The following EML6 variants were observed in gnomAD, a reference collection of about 807,000 sequenced individuals.
EML6 encodes the protein echinoderm microtubule-associated protein-like 6.
Under a neutral mutation model 240.1 loss-of-function variants are expected in EML6, and 154 were observed. The ratio of observed to expected loss-of-function variants is 0.64; its 90% confidence interval spans 0.56 to 0.73. The LOEUF is 0.73. Among genes scored for constraint, EML6 ranks in the 30% least tolerant of loss-of-function variants. The pLI, the probability that EML6 is intolerant of heterozygous loss-of-function variation, is 0.00. For missense variants in EML6, 2,964 were observed against 2,474.6 expected, an observed-to-expected ratio of 1.20 and a Z score of -4.20; for synonymous variants, 1,148 against 899.0, an observed-to-expected ratio of 1.28 and a Z score of -4.95.
intron 7 of EML6, among the ~76,000 whole-genome samples, chr2:54,843,228 A>G (rs1029425002): frequency 3.3e-5 from 5 of 152,188 alleles, no homozygotes; most frequent in Admixed American, 1.3e-4. Flanking sequence ...ACTGTTTAAG[A>G]CCAGCCTGGG....
chr2:54,815,049 C>G (rs1001465130), intron 3 of EML6, among the ~76,000 whole-genome samples: 3 of 152,216 alleles, frequency 2.0e-5, no homozygotes, highest in Non-Finnish European at 4.4e-5. Context: ...TGCACCTTCT[C>G]TAATCGGATT....
chr2:54,840,474 G>A (rs1669385519), intron 7 of EML6, among the ~76,000 whole-genome samples: 2 of 152,166 alleles, frequency 1.3e-5, no homozygotes, highest in African/African-American at 4.8e-5. Context: ...GCTTACATAT[G>A]TCTGGCCCCT....
At position 54,863,839 on chromosome 2, in the gene EML6, G is replaced by A. The variant is rs768568521; in HGVS notation, c.1882G>A (p.Glu628Lys). Residue 628 changes from glutamate (E) to lysine (K), a missense_variant, in exon 13 of 42, where the codon GAA becomes AAA. Glu to Lys is a moderately conservative substitution (Grantham distance 56). Transcript: ENST00000356458. The part of the protein sequence containing the change: ...ESDSDLSDVP[E>K]LDSDIEQEAQ... Reference sequence around the variant, plus strand: ...TGATTCAGATTTATCTGATGTGCCCGAACTGGACTCTGATATTGAGCAAGA... The same window carrying A: ...TGATTCAGATTTATCTGATGTGCCCAAACTGGACTCTGATATTGAGCAAGA... 9 of 1,548,842 alleles carry A rather than the reference G, an allele frequency of 5.8e-6. No individual in the cohort carries two copies. The highest frequency in any genetic ancestry group is 2.7e-5 in the African/African-American group (2 of 72,910).
intron 21 of EML6, among the ~76,000 whole-genome samples, chr2:54,897,393 A>G: frequency 6.6e-6 from 1 of 152,240 alleles, no homozygotes; most frequent in Non-Finnish European, 1.5e-5. Flanking sequence ...TGTGTCAGGC[A>G]ATACCGTTGT....
chr2:54,731,692 C>T (rs1683174793), intron 2 of EML6, among the ~76,000 whole-genome samples: 1 of 152,060 alleles, frequency 6.6e-6, no homozygotes, highest in Non-Finnish European at 1.5e-5. Flanking sequence ...TGCTTGAAAA[C>T]ATTGCGCTGA....
At chr2:54,752,325 A>G (rs1386012216) in intron 2 of EML6, among the ~76,000 whole-genome samples, 1 of 152,230 alleles carries the variant, frequency 6.6e-6, no homozygotes, top group East Asian at 1.9e-4. Flanking sequence ...TATAACACAT[A>G]TATAAAAAAG....
chr2:54,857,528 A>G (rs1200155175), intron 11 of EML6, among the ~76,000 whole-genome samples: 1 of 152,220 alleles, frequency 6.6e-6, no homozygotes, highest in East Asian at 1.9e-4. Flanking sequence ...CTTTTGTTCT[A>G]CTGAAGGTCC....
chr2:54,950,252 A>G (rs916879192), intron 29 of EML6, among the ~76,000 whole-genome samples: 6 of 152,210 alleles, frequency 3.9e-5, no homozygotes, highest in African/African-American at 1.2e-4. Context: ...CCCTGGTCAC[A>G]TTGATGAGAG....
chr2:54,780,806 C>T (rs1668823533), intron 2 of EML6, among the ~76,000 whole-genome samples: 1 of 152,154 alleles, frequency 6.6e-6, no homozygotes, highest in Non-Finnish European at 1.5e-5. Flanking sequence ...TTGTGAGTCA[C>T]ACGAATAATG....
chr2:54,740,993 T>G (rs998927881), intron 2 of EML6, among the ~76,000 whole-genome samples: 1 of 152,158 alleles, frequency 6.6e-6, no homozygotes, highest in Admixed American at 6.5e-5. Context: ...ACAACTTGGA[T>G]TTTTTTATAA....
Position 54,967,112 on chromosome 2 carries a change from C to T in EML6, c.5597+9C>T, listed in dbSNP as rs1676782295. ...TGGGCCTCCTGGACAAGGTGACTGACTGGAAGAAAAAACTTGAGGAAAAGG... is the reference window on the plus strand; with the variant it reads ...TGGGCCTCCTGGACAAGGTGACTGATTGGAAGAAAAAACTTGAGGAAAAGG... On this transcript the variant is annotated intron_variant, in intron 39 of 41. Coordinates refer to ENST00000356458, the MANE Select transcript of EML6 (RefSeq NM_001039753.4). 1.3e-6 allele frequency: 2 copies of T among 1,541,132 alleles called. No individual in the cohort carries two copies. The highest frequency in any genetic ancestry group is 1.8e-6 in the Non-Finnish European group (2 of 1,137,930).
intron 26 of EML6, among the ~76,000 whole-genome samples, chr2:54,926,976 T>C (rs1422585866): frequency 6.6e-6 from 1 of 152,210 alleles, no homozygotes; most frequent in Non-Finnish European, 1.5e-5. Context: ...ATTTGTAGTG[T>C]ATAAACTGGA....
chr2:54,823,850 T>TCTCTCTCTCTCTC (rs1553387708), intron 5 of EML6, among the ~76,000 whole-genome samples: 2 of 72,284 alleles, frequency 2.8e-5, no homozygotes, highest in East Asian at 2.6e-4. Flanking sequence ...CATTCATTCA[T>TCTCTCTCTCTCTC]TCTCTCTCTC....
At position 54,892,635 on chromosome 2, in the gene EML6, T is replaced by C. The variant is rs1426309155; in HGVS notation, c.2721T>C (p.Phe907=). The change falls in exon 19 of 42, where the codon TTT becomes TTC. Residue 907 remains phenylalanine, a synonymous_variant. Transcript: ENST00000356458. ...TGAAAGCTCATGATGGGCCTGTGTT[T>C]GCTATGTATGCACTGGATAAGGTAT... ...KTVKAHDGPV[F]AMYALDKGFV... is the part of the protein sequence containing the mutation. 5.2e-6 allele frequency: 8 copies of C among 1,551,530 alleles called. No individual in the cohort carries two copies. Among genetic ancestry groups the C allele is most frequent in the Non-Finnish European group, 7.0e-6 (8 of 1,146,774 alleles).
chr2:54,876,876 T>C (rs1421607875), intron 16 of EML6, among the ~76,000 whole-genome samples: 1 of 152,180 alleles, frequency 6.6e-6, no homozygotes, highest in African/African-American at 2.4e-5. Flanking sequence ...TATTTTGAAA[T>C]ATACACTACA....
chr2:54,923,367 G>GCA (rs113101367), intron 26 of EML6, among the ~76,000 whole-genome samples: 19,477 of 144,088 alleles, frequency 0.14, 1,478 homozygotes, highest in South Asian at 0.18. Flanking sequence ...CTCACCAAAC[G>GCA]CACACACACA....
chr2:54,901,569 G>A (rs1305873353), intron 22 of EML6, among the ~76,000 whole-genome samples: 1 of 152,166 alleles, frequency 6.6e-6, no homozygotes, highest in East Asian at 1.9e-4. Context: ...TGTTGTTCTG[G>A]TATAATTATT....
chr2:54,820,791 T>C (rs1208275328), intron 5 of EML6, among the ~76,000 whole-genome samples: 1 of 152,196 alleles, frequency 6.6e-6, no homozygotes, highest in Non-Finnish European at 1.5e-5. Context: ...GTGAAGTAAG[T>C]TTTTCCATTA....
intron 7 of EML6, among the ~76,000 whole-genome samples, chr2:54,831,583 G>A (rs13420395): frequency 0.11 from 17,490 of 152,176 alleles, 1,035 homozygotes; most frequent in African/African-American, 0.14. Flanking sequence ...GCTGGTACAC[G>A]GTGGACACTG....
Sources: gnomAD v4.1 joint callset for allele counts (sites outside exome capture counted in the v4.1 genomes callset) on GRCh38, gnomAD v4.1.1 for gene constraint, MANE v1.5 for transcripts, NCBI Gene and HGNC (gene_info 2026-07-23, HGNC 2026-07-21) for gene names.